Variants in DCP1A observed in about 807,000 individuals in gnomAD.
DCP1A encodes decapping mRNA 1A.
DCP1A carries 20 observed loss-of-function variants against 58.0 expected under a neutral mutation model. That is an observed-to-expected ratio of 0.34 (90% CI 0.24 to 0.50). The LOEUF (loss-of-function observed/expected upper bound fraction) is 0.50. Ranked by LOEUF, DCP1A falls within the 20% of genes least tolerant of loss-of-function variation. The pLI, the probability that DCP1A is intolerant of heterozygous loss-of-function variation, is 0.98. For synonymous variants in DCP1A, 285 were observed against 275.1 expected, an observed-to-expected ratio of 1.04 and a Z score of -0.36; for missense variants, 613 against 712.2, an observed-to-expected ratio of 0.86 and a Z score of 1.59.
chr3:53,302,128 C>A, intron 6 of DCP1A, among the ~76,000 whole-genome samples: 1 of 152,072 alleles, frequency 6.6e-6, no homozygotes, highest in East Asian at 1.9e-4. Flanking sequence ...AATATACACA[C>A]AACAAAGGAA....
intron 3 of DCP1A, 95 bp from the exon 4 acceptor site, chr3:53,319,568 T>C: frequency 1.4e-6 from 1 of 733,636 alleles, no homozygotes; most frequent in South Asian, 2.0e-5. Flanking sequence ...ATTCACTAAA[T>C]GTACCATCAG....
chr3:53,305,530 A>G (rs1469625644), intron 5 of DCP1A, among the ~76,000 whole-genome samples: 2 of 151,892 alleles, frequency 1.3e-5, no homozygotes, highest in African/African-American at 4.8e-5. Context: ...TCATATTTTT[A>G]GTAGAGACGG....
chr3:53,312,206 C>G, intron 5 of DCP1A, 35 bp downstream of exon 5: 1 of 1,544,792 alleles, frequency 6.5e-7, no homozygotes, highest in Non-Finnish European at 8.7e-7. Context: ...TTTTGGTCTT[C>G]CCTGGTCAGC....
intron 5 of DCP1A, among the ~76,000 whole-genome samples, chr3:53,306,209 G>C (rs1707465460): frequency 6.6e-6 from 1 of 152,054 alleles, no homozygotes; most frequent in African/African-American, 2.4e-5. Flanking sequence ...TATTATTTCA[G>C]AACATCATTT....
intron 3 of DCP1A, chr3:53,329,054 C>A (rs1459730622): frequency 3.5e-6 from 1 of 286,974 alleles, no homozygotes; most frequent in Non-Finnish European, 6.4e-6. Context: ...TTTATGAATT[C>A]CTCTTTCAGT....
chr3:53,339,469 C>T (rs1254821483), intron 3 of DCP1A, among the ~76,000 whole-genome samples: 2 of 152,200 alleles, frequency 1.3e-5, no homozygotes, highest in African/African-American at 2.4e-5. Flanking sequence ...TATGATACTA[C>T]AGTGGAGTTA....
At chr3:53,311,187 GT>G (rs1707633149) in intron 5 of DCP1A, among the ~76,000 whole-genome samples, 3 of 152,240 alleles carry the variant, frequency 2.0e-5, no homozygotes, top group Non-Finnish European at 4.4e-5. Context: ...TAGCAGAACT[GT>G]ATGGGAAACA....
intron 3 of DCP1A, among the ~76,000 whole-genome samples, chr3:53,332,733 C>T (rs528581588): frequency 2.0e-5 from 3 of 151,894 alleles, no homozygotes; most frequent in South Asian, 4.2e-4. Context: ...GGTGTGGTGG[C>T]GGGTGCCTGT....
Position 53,292,693 on chromosome 3 carries a change from C to G in DCP1A, c.759G>C (p.Glu253Asp). The G allele has an allele frequency of 6.2e-7, 1 of 1,613,796 alleles. No individual in the cohort carries two copies. The highest frequency in any genetic ancestry group is 2.2e-5 in the East Asian group (1 of 44,860). The change falls in exon 7 of 10, where the codon GAG (glutamate) becomes GAC (aspartate). Residue 253 changes from glutamate (E) to aspartate (D), a missense_variant. By Grantham distance (45) the Glu-to-Asp change is conservative. This residue lies in a region of DCP1A where 498 missense variants were observed against 556.7 expected (regional missense o/e 0.89). Transcript: ENST00000610213. ...ERLPGDASQKEPNSFLPFPFE... is the reference protein window; with the variant it reads ...ERLPGDASQKDPNSFLPFPFE... ...AGGGAAATGGTAGGAATGAATTGGG[C>G]TCTTTCTGGGAGGCATCTCCTGGCA... is the stretch of plus-strand genomic sequence containing the variant.
At chr3:53,302,780 C>T (rs1461672443) in intron 6 of DCP1A, among the ~76,000 whole-genome samples, 1 of 151,974 alleles carries the variant, frequency 6.6e-6, no homozygotes, top group Non-Finnish European at 1.5e-5. Flanking sequence ...TCTATTACCA[C>T]ACCCGGCTAA....
At chr3:53,298,660 A>G (rs892252569) in intron 6 of DCP1A, among the ~76,000 whole-genome samples, 7 of 152,338 alleles carry the variant, frequency 4.6e-5, no homozygotes, top group African/African-American at 1.4e-4. Flanking sequence ...GGAGATGTCA[A>G]TTCAGCAAAG....
intron 1 of DCP1A, among the ~76,000 whole-genome samples, chr3:53,346,376 T>C (rs1553693138): frequency 1.3e-5 from 2 of 152,230 alleles, no homozygotes; most frequent in African/African-American, 2.4e-5. Flanking sequence ...TCTATGCAAC[T>C]GTATTATAGG....
chr3:53,299,471 A>G (rs1707242136), intron 6 of DCP1A, among the ~76,000 whole-genome samples: 1 of 152,242 alleles, frequency 6.6e-6, no homozygotes, highest in Admixed American at 6.5e-5. Context: ...CATCTTCAGC[A>G]TCAGGTTTAA....
chr3:53,340,919 C>A (rs1553692451), intron 3 of DCP1A, among the ~76,000 whole-genome samples: 1 of 152,184 alleles, frequency 6.6e-6, no homozygotes. Context: ...AACTCTCCAA[C>A]AGGGTAATAG....
At chr3:53,312,138 C>A in intron 5 of DCP1A, 103 bp downstream of exon 5, 1 of 1,294,158 alleles carries the variant, frequency 7.7e-7, no homozygotes, top group Non-Finnish European at 1.1e-6. Context: ...TATATTTCTG[C>A]CGTCCCTGGA....
chr3:53,347,308 C>G lies in DCP1A; in HGVS notation c.135+75G>C, dbSNP rs916055293. 2.8e-6 allele frequency: 4 copies of G among 1,419,472 alleles called. No individual in the cohort carries two copies. In the Admixed American group the frequency reaches 1.1e-4, roughly 40 times the overall value. 87.9% of individuals were successfully genotyped at this position (1,419,472 alleles called of 1,614,324 possible). ...TGGCCTCTTAGTGTGCCCCCCCACC[C>G]CACAGTAACCCGCGCGGCCCCTTTA... On this transcript the variant is annotated intron_variant, in intron 1 of 9. Transcript: ENST00000610213.
Position 53,304,215 on chromosome 3 carries a change from C to A in DCP1A, c.586G>T (p.Glu196Ter). Residue 196 changes from glutamate to a stop codon, truncating the protein, a stop_gained, in exon 6 of 10, where the codon GAG becomes TAG. Coordinates refer to ENST00000610213, the MANE Select transcript of DCP1A (RefSeq NM_018403.7). LOFTEE classifies it high-confidence loss of function. ...CCGGAGGGCATTTCTTCTAGAGTCTCGGTGCTTCCCAGATTGGAGAGCTGA... is the reference window on the plus strand; with the variant it reads ...CCGGAGGGCATTTCTTCTAGAGTCTAGGTGCTTCCCAGATTGGAGAGCTGA... ...STQLSNLGST[E>*]TLEEMPSGSQ... is the part of the protein sequence containing the mutation. The A allele has an allele frequency of 6.2e-7, 1 of 1,613,696 alleles. No individual in the cohort carries two copies. The highest frequency in any genetic ancestry group is 1.3e-5 in the African/African-American group (1 of 74,964).
chr3:53,288,429 G>T (rs1706728068), intron 8 of DCP1A, 146 bp from the exon 9 acceptor site: 1 of 620,444 alleles, frequency 1.6e-6, no homozygotes, highest in Admixed American at 2.9e-5. Flanking sequence ...CATTCAGTAG[G>T]AACATGTGAA....
chr3:53,316,044 G>A (rs1338518124), intron 4 of DCP1A, among the ~76,000 whole-genome samples: 3 of 152,062 alleles, frequency 2.0e-5, no homozygotes, highest in Middle Eastern at 3.4e-3. Context: ...GTGAGCCACC[G>A]CGCCCAGCCT....
Sources: allele counts gnomAD v4.1 joint callset (sites outside exome capture counted in the v4.1 genomes callset), GRCh38; gene constraint gnomAD v4.1.1; regional missense constraint gnomAD v4.1.1; transcripts MANE v1.5; gene names NCBI Gene and HGNC (gene_info 2026-07-23, HGNC 2026-07-21).